The following LRRC56 variants were observed in gnomAD, a reference collection of about 807,000 sequenced individuals.
The protein encoded by LRRC56 is leucine-rich repeat-containing protein 56.
LRRC56 carries 41 observed loss-of-function variants against 47.8 expected under a neutral mutation model. The observed-to-expected ratio is 0.86, with a 90% CI of 0.67 to 1.11. The LOEUF (loss-of-function observed/expected upper bound fraction) is 1.11. Among genes scored for constraint, LRRC56 ranks in the 50% most tolerant of loss-of-function variants. The pLI is 0.00. For synonymous variants in LRRC56, 387 were observed against 311.2 expected, an observed-to-expected ratio of 1.24 and a Z score of -2.56; for missense variants, 759 against 704.2, an observed-to-expected ratio of 1.08 and a Z score of -0.88.
intron 3 of LRRC56, among the ~76,000 whole-genome samples, 178 bp from the exon 4 acceptor site, chr11:540,496 A>G (rs1020432839): frequency 6.7e-6 from 1 of 149,542 alleles, no homozygotes; most frequent in African/African-American, 2.4e-5. Context: ...AACTAAGCAG[A>G]CAAGGGCCCC....
At chr11:518,575 C>T in the LRRC56 span, among the ~76,000 whole-genome samples, 2 of 152,158 alleles carry the variant, frequency 1.3e-5, no homozygotes, top group South Asian at 2.1e-4. Context: ...CGGCCGCCTC[C>T]GCCTCCCAAA....
the LRRC56 span, among the ~76,000 whole-genome samples, chr11:521,046 C>T: frequency 2.6e-4 from 39 of 152,324 alleles, no homozygotes; most frequent in African/African-American, 8.9e-4. Context: ...ACACTGCCAC[C>T]GCCAGCGTAC....
chr11:526,535 G>A, the LRRC56 span, among the ~76,000 whole-genome samples: 6 of 152,154 alleles, frequency 3.9e-5, no homozygotes, highest in East Asian at 5.8e-4. Context: ...CGGGGGGCAC[G>A]GTACACAAAT....
intron 6 of LRRC56, among the ~76,000 whole-genome samples, chr11:549,374 G>T (rs961335024): frequency 2.0e-5 from 3 of 152,094 alleles, no homozygotes; most frequent in African/African-American, 7.2e-5. Context: ...GGAACAGGGT[G>T]GGCCCGGCAG....
At chr11:549,122 A>G (rs1852237702) in intron 6 of LRRC56, among the ~76,000 whole-genome samples, 1 of 152,168 alleles carries the variant, frequency 6.6e-6, no homozygotes, top group African/African-American at 2.4e-5. Context: ...GGCGGAATGA[A>G]GCCCAGGTGA....
At chr11:532,136 C>T in the LRRC56 span, 17 of 236,032 alleles carry the variant, frequency 7.2e-5, no homozygotes, top group South Asian at 1.4e-3. Context: ...CAACCTCCCC[C>T]TCCCAAAGGC....
chr11:534,466 A>C, upstream of LRRC56: 1 of 667,696 alleles, frequency 1.5e-6, no homozygotes, highest in Non-Finnish European at 2.6e-6. Flanking sequence ...GGGCAAACCC[A>C]CAGCGGTCCC....
the LRRC56 span, chr11:532,401 A>G: frequency 1.6e-6 from 1 of 617,686 alleles, no homozygotes; most frequent in Non-Finnish European, 2.8e-6. Flanking sequence ...ACCTCGGCCC[A>G]CGGTCCCGGG....
At chr11:511,736 G>A in the LRRC56 span, among the ~76,000 whole-genome samples, 3 of 152,186 alleles carry the variant, frequency 2.0e-5, no homozygotes, top group East Asian at 1.9e-4. Flanking sequence ...GGGCCCAGGC[G>A]TGACCCTCTC....
the LRRC56 span, among the ~76,000 whole-genome samples, chr11:511,582 C>T: frequency 3.3e-5 from 5 of 152,200 alleles, no homozygotes; most frequent in Non-Finnish European, 7.3e-5. Context: ...AAACTTTGCC[C>T]CATAAGGGTT....
intron 9 of LRRC56, 123 bp from the exon 10 acceptor site, chr11:551,528 G>A (rs1281809458): frequency 9.4e-7 from 1 of 1,066,854 alleles, no homozygotes; most frequent in African/African-American, 1.6e-5. Flanking sequence ...CTAGAAGGCT[G>A]CAGCGTGAGA....
chr11:512,312 T>G, the LRRC56 span, among the ~76,000 whole-genome samples: 1 of 152,116 alleles, frequency 6.6e-6, no homozygotes, highest in Non-Finnish European at 1.5e-5. Context: ...CTCAGCTCAC[T>G]GCAACCTCTG....
At chr11:553,553 G>A (rs531638868) in intron 13 of LRRC56, among the ~76,000 whole-genome samples, 1 of 152,252 alleles carries the variant, frequency 6.6e-6, no homozygotes, top group East Asian at 1.9e-4. Context: ...CAGGACAAAG[G>A]CATGCCAGGG....
chr11:507,745 G>C, the LRRC56 span, among the ~76,000 whole-genome samples: 109 of 152,378 alleles, frequency 7.2e-4, no homozygotes, highest in Middle Eastern at 3.4e-3. Context: ...CCTTGGTAGA[G>C]GGGCTCGTTT....
the LRRC56 span, among the ~76,000 whole-genome samples, chr11:509,497 G>A: frequency 6.5e-4 from 99 of 152,222 alleles, no homozygotes; most frequent in South Asian, 1.0e-3. Context: ...GTCTGTGGCC[G>A]GGCCTCCCTC....
the LRRC56 span, among the ~76,000 whole-genome samples, chr11:528,024 CAG>C: frequency 2.0e-5 from 3 of 151,846 alleles, no homozygotes; most frequent in Non-Finnish European, 4.4e-5. Flanking sequence ...TTAATAGAAA[CAG>C]GGTTTCACCG....
At chr11:533,256 C>G (rs768663236), upstream of LRRC56, 1 of 1,559,260 alleles carries the variant, frequency 6.4e-7, no homozygotes, top group South Asian at 1.1e-5. Context: ...CCTCACTGCC[C>G]TGCCGTCCCG....
chr11:509,997 G>C, the LRRC56 span, among the ~76,000 whole-genome samples: 1 of 67,500 alleles, frequency 1.5e-5, no homozygotes, highest in Non-Finnish European at 3.2e-5. Context: ...TCATTTCCCC[G>C]GGTCCTGGCC....
At chr11:533,714 C>T (rs2133989154), upstream of LRRC56, 4 of 1,611,540 alleles carry the variant, frequency 2.5e-6, no homozygotes, top group Middle Eastern at 1.7e-4. Context: ...ACGCAGCCGG[C>T]CTGGCCCCAC....
Sources: allele counts gnomAD v4.1 joint callset (sites outside exome capture counted in the v4.1 genomes callset), GRCh38; gene constraint gnomAD v4.1.1; transcripts MANE v1.5; gene names NCBI Gene and HGNC (gene_info 2026-07-23, HGNC 2026-07-21).